GULP1: variants seen among roughly 807,000 people sequenced by gnomAD.
GULP1 encodes PTB domain-containing engulfment adapter protein 1.
In GULP1, 19 loss-of-function variants were observed where a neutral mutation model predicts 40.9. That is an observed-to-expected ratio of 0.46 (90% CI 0.32 to 0.68). The LOEUF (loss-of-function observed/expected upper bound fraction) is 0.68. GULP1 is among the 30% of genes least tolerant of loss of function. GULP1 has a pLI of 0.03. For missense variants in GULP1, 312 were observed against 362.2 expected, an observed-to-expected ratio of 0.86 and a Z score of 1.12; for synonymous variants, 119 against 117.6, an observed-to-expected ratio of 1.01 and a Z score of -0.08.
chr2:188,313,904 G>GT (rs2038624640), intron 1 of GULP1, among the ~76,000 whole-genome samples: 1 of 151,374 alleles, frequency 6.6e-6, no homozygotes, highest in Non-Finnish European at 1.5e-5. Flanking sequence ...TCCTTGAAGA[G>GT]GTCCTTCACA....
chr2:188,593,655 C>G (rs1704028646), intron 11 of GULP1: 2 of 198,216 alleles, frequency 1.0e-5, no homozygotes, highest in African/African-American at 2.3e-5. Flanking sequence ...TAGTAACTAG[C>G]CTTTTCTGAA....
chr2:188,540,446 G>GTGTA (rs1559358547), intron 6 of GULP1, among the ~76,000 whole-genome samples: 8 of 151,736 alleles, frequency 5.3e-5, no homozygotes, highest in African/African-American at 1.7e-4. Context: ...ATGTGTGTGT[G>GTGTA]TGTGTGTGCG....
chr2:188,319,761 C>T (rs2039690001), intron 1 of GULP1, among the ~76,000 whole-genome samples: 1 of 152,060 alleles, frequency 6.6e-6, no homozygotes, highest in South Asian at 2.1e-4. Context: ...CTCATATTAG[C>T]CATAAATACT....
chr2:188,403,139 C>T (rs550242764), intron 2 of GULP1, among the ~76,000 whole-genome samples: 1 of 152,192 alleles, frequency 6.6e-6, no homozygotes, highest in Admixed American at 6.5e-5. Flanking sequence ...CAGCTCTATG[C>T]TAGACATATT....
chr2:188,339,849 A>C (rs1316694305), intron 1 of GULP1, among the ~76,000 whole-genome samples: 1 of 152,194 alleles, frequency 6.6e-6, no homozygotes, highest in African/African-American at 2.4e-5. Context: ...TTTGAGCTTC[A>C]GCATCCTTAT....
intron 1 of GULP1, among the ~76,000 whole-genome samples, chr2:188,368,899 T>C (rs2152425395): frequency 7.1e-6 from 1 of 140,124 alleles, no homozygotes; most frequent in South Asian, 2.3e-4. Flanking sequence ...TGAGAGTGTA[T>C]TAATAGATAG....
chr2:188,443,306 C>T (rs985724711), intron 2 of GULP1, among the ~76,000 whole-genome samples: 4 of 152,038 alleles, frequency 2.6e-5, no homozygotes, highest in Non-Finnish European at 5.9e-5. Flanking sequence ...CCTTGCTGCC[C>T]CTATTATGTT....
chr2:188,347,614 AT>A (rs10627846), intron 1 of GULP1, among the ~76,000 whole-genome samples: 226 of 135,254 alleles, frequency 1.7e-3, no homozygotes, highest in African/African-American at 3.3e-3. Flanking sequence ...ATCTCAAAGC[AT>A]TTTTTTTTTT....
At chr2:188,322,816 C>T (rs2040184198) in intron 1 of GULP1, among the ~76,000 whole-genome samples, 1 of 152,112 alleles carries the variant, frequency 6.6e-6, no homozygotes, top group South Asian at 2.1e-4. Context: ...TTCAATACCT[C>T]TTGCCTGTGG....
chr2:188,560,730 A>G (rs545259131), intron 7 of GULP1, among the ~76,000 whole-genome samples: 69 of 152,296 alleles, frequency 4.5e-4, no homozygotes, highest in Non-Finnish European at 5.3e-4. Context: ...TTCTGCTGAT[A>G]CCTCAAGAAA....
intron 4 of GULP1, among the ~76,000 whole-genome samples, chr2:188,520,401 T>C (rs2065624421): frequency 6.6e-6 from 1 of 151,626 alleles, no homozygotes; most frequent in African/African-American, 2.4e-5. Flanking sequence ...ATGGGCGTGG[T>C]GGCGCGTTCC....
chr2:188,538,866 A>T (rs1689670831), intron 6 of GULP1, among the ~76,000 whole-genome samples: 1 of 152,174 alleles, frequency 6.6e-6, no homozygotes, highest in Non-Finnish European at 1.5e-5. Context: ...GTATGTTGAT[A>T]TTTAGAAAAA....
chr2:188,308,642 A>G (rs541840109), intron 1 of GULP1, among the ~76,000 whole-genome samples: 96 of 152,322 alleles, frequency 6.3e-4, no homozygotes, highest in African/African-American at 2.1e-3. Flanking sequence ...TAGAATGCCA[A>G]GATGAGTTAT....
chr2:188,400,779 A>G (rs2152635817), intron 2 of GULP1, among the ~76,000 whole-genome samples: 1 of 152,266 alleles, frequency 6.6e-6, no homozygotes, highest in East Asian at 1.9e-4. Context: ...CAATTCTGGT[A>G]TGTTTACAAA....
chr2:188,581,216 T>G (rs1041182556), intron 9 of GULP1, among the ~76,000 whole-genome samples: 6 of 152,210 alleles, frequency 3.9e-5, no homozygotes, highest in African/African-American at 1.4e-4. Flanking sequence ...TTCTCCAGTA[T>G]GACTCAGTAT....
At chr2:188,523,000 G>A (rs891080740) in intron 5 of GULP1, 173 bp downstream of exon 5, 1 of 493,782 alleles carries the variant, frequency 2.0e-6, no homozygotes, top group African/African-American at 1.9e-5. Context: ...TAACAAACAT[G>A]TACACAAAAT....
rs547757588 is a variant in GULP1 at position 188,570,225 on chromosome 2, C to A, written c.609+105C>A. 9 of 618,762 alleles carry A rather than the reference C, an allele frequency of 1.5e-5. No individual in the cohort carries two copies. In the East Asian group the frequency reaches 2.5e-4, roughly 17 times the overall value. The allele number at this position is 618,762 out of a possible 1,614,324, so 38.3% of individuals were successfully genotyped here. Reference sequence around the variant, plus strand: ...TATAATACTTGGGGATCAGTAATTTCAAAGTAAACATGGATAGAGATGAAG... The same window carrying A: ...TATAATACTTGGGGATCAGTAATTTAAAAGTAAACATGGATAGAGATGAAG... On this transcript the variant is annotated intron_variant, in intron 9 of 11. Transcript: ENST00000409830.
chr2:188,429,393 G>C (rs1398198930), intron 2 of GULP1, among the ~76,000 whole-genome samples: 2 of 151,996 alleles, frequency 1.3e-5, no homozygotes, highest in Admixed American at 1.3e-4. Flanking sequence ...CCAGCTCCTT[G>C]GGAGGCTGAG....
At chr2:188,405,243 G>T (rs2052900389) in intron 2 of GULP1, among the ~76,000 whole-genome samples, 1 of 151,806 alleles carries the variant, frequency 6.6e-6, no homozygotes, top group Non-Finnish European at 1.5e-5. Context: ...CTCCAAGTTG[G>T]TCCCCAAAGC....
Sources: allele counts gnomAD v4.1 joint callset (sites outside exome capture counted in the v4.1 genomes callset), GRCh38; gene constraint gnomAD v4.1.1; transcripts MANE v1.5; gene names NCBI Gene and HGNC (gene_info 2026-07-23, HGNC 2026-07-21).